The following MSLN variants were observed in gnomAD, a reference collection of about 807,000 sequenced individuals.
The protein encoded by MSLN is mesothelin.
MSLN carries 82 observed loss-of-function variants against 72.6 expected under a neutral mutation model. The ratio of observed to expected loss-of-function variants is 1.13; its 90% CI spans 0.94 to 1.36. The LOEUF (loss-of-function observed/expected upper bound fraction) is 1.36. Ranked by LOEUF, MSLN falls within the 40% of genes most tolerant of loss-of-function variation. The pLI, the probability that MSLN is intolerant of heterozygous loss-of-function variation, is 0.00. For synonymous variants in MSLN, 456 were observed against 387.3 expected (o/e 1.18, Z -2.08); for missense variants, 1,005 against 847.9 (o/e 1.19, Z -2.30).
chr16:764,259 C>A, intron 6 of MSLN, 116 bp downstream of exon 6: 1 of 1,388,806 alleles, frequency 7.2e-7, no homozygotes, highest in Non-Finnish European at 9.6e-7. Context: ...GCCATCTCTC[C>A]CCGGCCAGTT....
chr16:762,115 C>G (rs1044340819), intron 2 of MSLN, among the ~76,000 whole-genome samples: 1 of 152,224 alleles, frequency 6.6e-6, no homozygotes, highest in Non-Finnish European at 1.5e-5. Context: ...AAAATGGGCT[C>G]AGAGAGGCCA....
chr16:763,205 C>G, intron 3 of MSLN, 28 bp from the exon 4 acceptor site: 4 of 1,508,472 alleles, frequency 2.7e-6, no homozygotes, highest in Non-Finnish European at 3.6e-6. Flanking sequence ...CCGCCCCCTC[C>G]CCCAAGCTGT....
intron 9 of MSLN, 36 bp downstream of exon 9, chr16:765,339 TGGC>T (rs1567357447): frequency 7.9e-6 from 12 of 1,512,934 alleles, no homozygotes; most frequent in Non-Finnish European, 9.7e-6. Context: ...AAGGCTCACC[TGGC>T]GGCGTGGTAT....
intron 2 of MSLN, 167 bp from the exon 3 acceptor site, chr16:762,505 G>C (rs1050372157): frequency 1.6e-6 from 1 of 621,864 alleles, no homozygotes; most frequent in African/African-American, 1.9e-5. Flanking sequence ...CCAGGGGACA[G>C]AGGGCTCAGT....
At chr16:768,070 A>AG (rs1387635837) in intron 16 of MSLN, among the ~76,000 whole-genome samples, 18 of 53,710 alleles carry the variant, frequency 3.4e-4, no homozygotes, top group South Asian at 2.3e-3. Context: ...GGGCACATGG[A>AG]GGGGGGGGCA....
chr16:766,885 G>A lies in MSLN; in HGVS notation c.1374G>A (p.Trp458Ter), dbSNP rs990527075. ...ELSSVPPSSIWAVRPQDLDTC... is the reference protein window; with the variant it reads ...ELSSVPPSSI ...CACTGTCCACCCACCGTGTCCCCAG[G>A]GCGGTCAGGCCCCAGGACCTGGACA... is the stretch of plus-strand genomic sequence containing the variant. The change falls in exon 15 of 18, where the codon TGG (tryptophan) becomes TGA (stop). Residue 458 changes from tryptophan (W) to a stop codon, truncating the protein, a stop_gained and splice_region_variant. Coordinates refer to ENST00000545450, the MANE Select transcript of MSLN (RefSeq NM_005823.6). LOFTEE classifies it high-confidence loss of function. 2.5e-6 allele frequency: 4 copies of A among 1,612,398 alleles called. No individual in the cohort carries two copies. Among genetic ancestry groups the A allele is most frequent in the Admixed American group, 1.7e-5 (1 of 59,998 alleles).
At chr16:762,624 C>G (rs1384839455) in intron 2 of MSLN, 48 bp from the exon 3 acceptor site, 2 of 1,424,834 alleles carry the variant, frequency 1.4e-6, no homozygotes, top group Admixed American at 3.4e-5. Context: ...AGGACAGAGG[C>G]GTGGGGTGGG....
At chr16:764,333 G>A (rs1283053838) in intron 6 of MSLN, among the ~76,000 whole-genome samples, 190 bp downstream of exon 6, 1 of 152,230 alleles carries the variant, frequency 6.6e-6, no homozygotes, top group Non-Finnish European at 1.5e-5. Context: ...TCAGGGGCTG[G>A]CTCCCCAGGA....
chr16:767,189 G>C (rs1232008734), intron 15 of MSLN, among the ~76,000 whole-genome samples, 177 bp downstream of exon 15: 3 of 152,030 alleles, frequency 2.0e-5, no homozygotes, highest in Admixed American at 1.3e-4. Flanking sequence ...TCTGACCCCA[G>C]CTCGGGGCGC....
In MSLN at chr16:765,600, A is replaced by T. The variant is rs1402225897; in HGVS notation, c.778A>T (p.Ile260Phe). The T allele has an allele frequency of 6.2e-7, 1 of 1,604,140 alleles. No individual in the cohort carries two copies. Among genetic ancestry groups the T allele is most frequent in the East Asian group, 2.2e-5 (1 of 44,856 alleles). ...GLLPVLGQPI[I>F]RSIPQGIVAA... The stretch of plus-strand genomic sequence containing the variant: ...GCTGCCCGTGCTGGGCCAGCCCATC[A>T]TCCGCAGCATCCCGCAGGTGAGACC... The change falls in exon 10 of 18, where the codon ATC becomes TTC. Residue 260 changes from isoleucine (I) to phenylalanine (F), a missense_variant. Ile to Phe is a conservative substitution (Grantham distance 21). Coordinates refer to ENST00000545450, the MANE Select transcript of MSLN (RefSeq NM_005823.6).
rs114403107 is a variant in MSLN, at chr16:766,012, G to C, written c.896-47G>C. The stretch of plus-strand genomic sequence containing the variant: ...TCACAGGAGGTGTGGGAGGAAGAAG[G>C]GGTCAAACGAACTCCGGCCCTGACC... On this transcript the variant is annotated intron_variant, in intron 11 of 17. Transcript: ENST00000545450. 1.4e-3 allele frequency: 2,184 copies of C among 1,539,242 alleles called. 32 individuals carry two copies. In the African/African-American group the frequency reaches 0.027, roughly 19 times the overall value.
rs747624212 is a variant in MSLN, at chr16:762,743, C to G, written c.63C>G (p.Leu21=). The G allele has an allele frequency of 7.5e-6, 12 of 1,599,532 alleles. No homozygotes were observed. The African/African-American group carries it at 1.3e-4, about 18-fold the overall frequency. The change falls in exon 3 of 18, where the codon CTC becomes CTG. Residue 21 remains leucine (L), a synonymous_variant. Coordinates refer to ENST00000545450, the MANE Select transcript of MSLN (RefSeq NM_005823.6). Reference sequence around the variant, plus strand: ...GTGGGACCCCCGCCCTCGGCAGCCTCCTGTTCCTGCTCTTCAGCCTCGGTG... The same window carrying G: ...GTGGGACCCCCGCCCTCGGCAGCCTGCTGTTCCTGCTCTTCAGCCTCGGTG... The part of the protein sequence containing the change: ...GSCGTPALGS[L]LFLLFSLGWV...
intron 2 of MSLN, among the ~76,000 whole-genome samples, chr16:762,273 A>G (rs9925870): frequency 0.47 from 71,115 of 152,132 alleles, 20,449 homozygotes; most frequent in African/African-American, 0.81. Flanking sequence ...GGGGAGAGGG[A>G]AGGGAGCCAC....
At position 766,099 on chromosome 16, in the gene MSLN, C is replaced by T. The variant is rs146534761; in HGVS notation, c.936C>T (p.Asp312=). The part of the protein sequence containing the change: ...CPSGKKAREI[D]ESLIFYKKWE... Reference sequence around the variant, plus strand: ...CAGGCAAGAAGGCCCGCGAGATAGACGAGAGCCTCATCTTCTACAAGAAGT... The same window carrying T: ...CAGGCAAGAAGGCCCGCGAGATAGATGAGAGCCTCATCTTCTACAAGAAGT... Residue 312 remains aspartate, a synonymous_variant, in exon 12 of 18, where the codon GAC becomes GAT. Transcript: ENST00000545450. The T allele has an allele frequency of 9.4e-5, 152 of 1,612,568 alleles. No homozygotes were observed. Among genetic ancestry groups the T allele is most frequent in the African/African-American group, 8.5e-4 (64 of 75,060 alleles).
In MSLN at chr16:765,787, G is replaced by A; in HGVS notation, c.892G>A (p.Glu298Lys). The change falls in exon 11 of 18, where the codon GAG becomes AAG. Residue 298 changes from glutamate to lysine, a missense_variant. By Grantham distance (56) the Glu-to-Lys change is moderately conservative (BLOSUM62 1). Transcript: ENST00000545450. ...ILRPRFRREV[E>K]KTACPSGKKA... ...CCGGCCGCGGTTCCGGCGGGAAGTG[G>A]AGAGTGAGTGCCGTGCCCTGCGCAG... 6.3e-7 allele frequency: 1 copy of A among 1,598,398 alleles called. No homozygotes were observed. The highest frequency in any genetic ancestry group is 2.2e-5 in the East Asian group (1 of 44,838).
chr16:765,882 C>A, intron 11 of MSLN, 92 bp downstream of exon 11: 1 of 1,369,806 alleles, frequency 7.3e-7, no homozygotes, highest in Admixed American at 2.0e-5. Flanking sequence ...CCCTCCCTGG[C>A]TCTGCAGCAC....
chr16:764,824 G>A (rs1282213548), intron 7 of MSLN, 83 bp from the exon 8 acceptor site: 32 of 1,587,498 alleles, frequency 2.0e-5, no homozygotes, highest in Non-Finnish European at 2.7e-5. Context: ...CCACAGCAGA[G>A]ATGTGGAGGC....
chr16:764,768 C>CCAGCCCT (rs1163749385), intron 7 of MSLN, 42 bp downstream of exon 7: 6 of 1,583,746 alleles, frequency 3.8e-6, no homozygotes, highest in African/African-American at 1.3e-5. Context: ...GCTTTTGCCG[C>CCAGCCCT]CAGCCCTCAG....
rs763856470 is a variant in MSLN, at chr16:763,691, G to T, written c.179G>T (p.Ser60Ile). Residue 60 changes from serine to isoleucine, a missense_variant and splice_region_variant, in exon 5 of 18, where the codon AGC becomes ATC. By Grantham distance (142) the Ser-to-Ile change is moderately radical (BLOSUM62 -2). Transcript: ENST00000545450. ...CTGGCCAACCCACCTAACATTTCCA[G>T]GTGGGTCTGGGGTCCTCACAGTCCT... is the stretch of plus-strand genomic sequence containing the variant. Reference protein sequence around the residue: ...GVLANPPNISSLSPRQLLGFP... With the variant: ...GVLANPPNISILSPRQLLGFP... The T allele has an allele frequency of 2.2e-6, 3 of 1,370,350 alleles. No homozygotes were observed. The highest frequency in any genetic ancestry group is 2.9e-5 in the East Asian group (1 of 33,912). 84.9% of individuals were successfully genotyped at this position (1,370,350 alleles called of 1,614,324 possible).
Sources: gnomAD v4.1 joint callset for allele counts (sites outside exome capture counted in the v4.1 genomes callset) on GRCh38, gnomAD v4.1.1 for gene constraint, MANE v1.5 for transcripts, NCBI Gene and HGNC (gene_info 2026-07-23, HGNC 2026-07-21) for gene names.